The following MCM8 variants were observed in gnomAD, a reference collection of about 807,000 sequenced individuals.
MCM8 encodes the protein DNA helicase MCM8.
A neutral mutation model predicts 98.9 loss-of-function variants in MCM8; 85 were observed. The ratio of observed to expected loss-of-function variants is 0.86; its 90% confidence interval spans 0.72 to 1.03. The LOEUF (loss-of-function observed/expected upper bound fraction) is 1.03, where lower values mean the gene tolerates loss of function less well. MCM8 is among the 50% of genes least tolerant of loss of function. The pLI is 0.00. For synonymous variants in MCM8, 352 were observed against 338.6 expected (o/e 1.04, Z -0.44); for missense variants, 951 against 997.8 (o/e 0.95, Z 0.63).
At chr20:5,963,525 C>CTTTTTTTTTTTTTTTT (rs34718923) in intron 8 of MCM8, among the ~76,000 whole-genome samples, 166 bp downstream of exon 8, 1 of 110,470 alleles carries the variant, frequency 9.1e-6, no homozygotes, top group Non-Finnish European at 1.8e-5. Flanking sequence ...TAAAATAATT[C>CTTTTTTTTTTTTTTTT]TTTTTTTTTT....
Position 5,984,998 on chromosome 20 carries a change from A to G in MCM8, c.1951A>G (p.Lys651Glu). 2 of 1,610,984 alleles carry G rather than the reference A, an allele frequency of 1.2e-6. No individual in the cohort carries two copies. The highest frequency in any genetic ancestry group is 1.7e-6 in the Non-Finnish European group (2 of 1,177,362). Reference protein sequence around the residue: ...VSEKPLSERLKVVPGETIDPI... With the variant: ...VSEKPLSERLEVVPGETIDPI... ...TGAGAAGCCATTATCAGAAAGACTA[A>G]AGGTATAAATGTTTCTTCTCCTTAT... is the stretch of plus-strand genomic sequence containing the variant. The change falls in exon 15 of 19, where the codon AAG becomes GAG. Residue 651 changes from lysine (K) to glutamate (E), a missense_variant and splice_region_variant. Physicochemically the swap from Lys to Glu is moderately conservative, Grantham distance 56 (BLOSUM62 1). Coordinates refer to ENST00000610722, the MANE Select transcript of MCM8 (RefSeq NM_032485.6).
rs774389127 is a variant in MCM8, at chr20:5,978,011, G to C, written c.1531G>C (p.Asp511His). 4 of 1,614,058 alleles carry C rather than the reference G, an allele frequency of 2.5e-6. No homozygotes were observed. The highest frequency in any genetic ancestry group is 1.6e-4 in the Middle Eastern group (1 of 6,078). The stretch of plus-strand genomic sequence containing the variant: ...GGAAGCTGGTGCCCTGGTACTTGGT[G>C]ATCAAGGTGAGAGGCCAAAGGGAAT... Reference protein sequence around the residue: ...ALEAGALVLGDQGICGIDEFD... With the variant: ...ALEAGALVLGHQGICGIDEFD... Residue 511 changes from aspartate (D) to histidine (H), a missense_variant, in exon 13 of 19, where the codon GAT (aspartate) becomes CAT (histidine). Physicochemically the swap from Asp to His is moderately conservative, Grantham distance 81. Transcript: ENST00000610722.
chr20:5,965,884 A>T (rs1056789767), intron 8 of MCM8, among the ~76,000 whole-genome samples: 3 of 152,022 alleles, frequency 2.0e-5, no homozygotes, highest in Non-Finnish European at 4.4e-5. Context: ...ACAAAAAAAC[A>T]CACCTTCCTT....
chr20:5,987,388 T>C, intron 17 of MCM8, 30 bp downstream of exon 17: 1 of 1,566,194 alleles, frequency 6.4e-7, no homozygotes, highest in South Asian at 1.1e-5. Flanking sequence ...TTGTTTTAAA[T>C]GAAATACCAG....
At chr20:5,959,653 G>A (rs1004136966) in intron 7 of MCM8, among the ~76,000 whole-genome samples, 2 of 143,972 alleles carry the variant, frequency 1.4e-5, no homozygotes. Flanking sequence ...TCTTGTACAT[G>A]TCTCCTTAGC....
At chr20:5,972,547 CTTTTA>C (rs992999568) in intron 11 of MCM8, 2 of 324,484 alleles carry the variant, frequency 6.2e-6, no homozygotes, top group African/African-American at 4.5e-5. Context: ...TATGAATGGG[CTTTTA>C]TTTTATTTAT....
chr20:5,962,310 C>T (rs1357607415), intron 7 of MCM8, among the ~76,000 whole-genome samples: 1 of 150,360 alleles, frequency 6.7e-6, no homozygotes, highest in Non-Finnish European at 1.5e-5. Flanking sequence ...AAGTGAGTCC[C>T]AGGCCTTCTC....
intron 10 of MCM8, among the ~76,000 whole-genome samples, chr20:5,968,431 G>A (rs2089326327): frequency 6.6e-6 from 1 of 152,136 alleles, no homozygotes; most frequent in Non-Finnish European, 1.5e-5. Context: ...TGTAATCCTA[G>A]CTACTCGGGA....
chr20:5,980,472 GTTA>G (rs1021204915), intron 13 of MCM8, among the ~76,000 whole-genome samples: 2 of 151,954 alleles, frequency 1.3e-5, no homozygotes, highest in Non-Finnish European at 2.9e-5. Context: ...CATGTATCTC[GTTA>G]TTATATAGCT....
chr20:5,952,734 C>T (rs534763495), intron 3 of MCM8, among the ~76,000 whole-genome samples: 5 of 152,092 alleles, frequency 3.3e-5, no homozygotes, highest in African/African-American at 1.2e-4. Flanking sequence ...CTAGGTATTT[C>T]AAAAAGGGGA....
At chr20:5,958,226 G>T (rs186119577) in intron 6 of MCM8, among the ~76,000 whole-genome samples, 197 of 152,262 alleles carry the variant, frequency 1.3e-3, no homozygotes, top group Admixed American at 2.3e-3. Context: ...AAAATTAGCT[G>T]GGTGTGGTGG....
At chr20:5,953,438 G>GGTGTGTGTGTGTGTGTGTGT (rs11470045) in intron 3 of MCM8, among the ~76,000 whole-genome samples, 14 of 146,294 alleles carry the variant, frequency 9.6e-5, no homozygotes, top group African/African-American at 3.3e-4. Flanking sequence ...TCTCATGAGG[G>GGTGTGTGTGTGTGTGTGTGT]GTGTGTGTGT....
At chr20:5,991,676 G>C (rs142193814) in intron 17 of MCM8, among the ~76,000 whole-genome samples, 1 of 152,298 alleles carries the variant, frequency 6.6e-6, no homozygotes, top group Admixed American at 6.5e-5. Flanking sequence ...TGAATTATCT[G>C]TTTGTTATGC....
At position 5,962,663 on chromosome 20, in the gene MCM8, C is replaced by T. The variant is rs1171340560; in HGVS notation, c.790-611C>T. ...TGCTGGGATTACAGGCGTGAGCCAC[C>T]GCGCCCGGCCTTCATTTCTTAATGG... On this transcript the variant is annotated intron_variant, in intron 7 of 18. Transcript: ENST00000610722. Among the ~76,000 whole-genome samples, 4 of 68,542 alleles carry T rather than the reference C, an allele frequency of 5.8e-5. 1 individual carries two copies. Among genetic ancestry groups the T allele is most frequent in the African/African-American group, 7.7e-4 (2 of 2,588 alleles). 45.0% of individuals were successfully genotyped at this position (68,542 alleles called of 152,430 possible). A position where few individuals can be genotyped will look rare whatever the true frequency, so the allele number is the denominator to read the frequency against.
intron 14 of MCM8, 116 bp downstream of exon 14, chr20:5,983,281 A>G (rs1304017245): frequency 1.3e-5 from 12 of 904,306 alleles, no homozygotes; most frequent in Non-Finnish European, 4.8e-6. Flanking sequence ...CAGAAGTTAT[A>G]AATGTCCAAT....
In MCM8 at chr20:5,958,448, C is replaced by G. The variant is rs16991594; in HGVS notation, c.591-80C>G. 7.5e-3 allele frequency: 7,542 copies of G among 1,008,404 alleles called. 215 individuals carry two copies. The African/African-American group carries it at 0.077, about 10-fold the overall frequency. The allele number at this position is 1,008,404 out of a possible 1,614,324, so 62.5% of individuals were successfully genotyped here. A position where few individuals can be genotyped will look rare whatever the true frequency, so the allele number is the denominator to read the frequency against. ...GAAGGGATGATTTGATTTGAGAATT[C>G]CATAGTTGCTCCTAAAAGGAACTTG... On this transcript the variant is annotated intron_variant, in intron 6 of 18. Transcript: ENST00000610722.
rs940754884 is a variant in MCM8 at position 5,984,844 on chromosome 20, G to A, written c.1797G>A (p.Glu599=). 1.2e-6 allele frequency: 2 copies of A among 1,613,974 alleles called. No individual in the cohort carries two copies. Among genetic ancestry groups the A allele is most frequent in the Non-Finnish European group, 1.7e-6 (2 of 1,180,004 alleles). ...TTATCCTGTTAGATACTCCAAATGA[G>A]CATCATGATCACTTACTCTCTGAAC... ...LVFILLDTPN[E]HHDHLLSEHV... is the part of the protein sequence containing the mutation. The change falls in exon 15 of 19, where the codon GAG becomes GAA. Residue 599 remains glutamate, a synonymous_variant. Coordinates refer to ENST00000610722, the MANE Select transcript of MCM8 (RefSeq NM_032485.6).
intron 12 of MCM8, among the ~76,000 whole-genome samples, chr20:5,976,179 C>A (rs1272497888): frequency 6.6e-6 from 1 of 152,178 alleles, no homozygotes; most frequent in Admixed American, 6.5e-5. Context: ...ATAGTCCCAG[C>A]TACTCAGGAG....
rs143485811 is a variant in MCM8, at chr20:5,966,610, G to A, written c.876-826G>A. On this transcript the variant is annotated intron_variant, in intron 8 of 18. Transcript: ENST00000610722. ...CAAATGTCTGATGAGGAATGAGAAA[G>A]TATTTGAAGTAGGTAGGATAGGTTT... 1.6e-3 allele frequency among the ~76,000 whole-genome samples: 250 copies of A among 152,312 alleles called. 1 individual carries two copies. Among genetic ancestry groups the A allele is most frequent in the South Asian group, 0.013 (62 of 4,828 alleles).
Sources: allele counts gnomAD v4.1 joint callset (sites outside exome capture counted in the v4.1 genomes callset), GRCh38; gene constraint gnomAD v4.1.1; transcripts MANE v1.5; gene names NCBI Gene and HGNC (gene_info 2026-07-23, HGNC 2026-07-21).